NKX2-1: variants seen among roughly 807,000 people sequenced by gnomAD.
NKX2-1 encodes homeobox protein Nkx-2.1.
NKX2-1 carries 9 observed loss-of-function variants against 35.1 expected under a neutral mutation model. The observed-to-expected ratio is 0.26, with a 90% CI of 0.15 to 0.45. The LOEUF (loss-of-function observed/expected upper bound fraction) is 0.45, where lower values mean the gene tolerates loss of function less well. Ranked by LOEUF, NKX2-1 falls within the 20% of genes least tolerant of loss-of-function variation. The pLI is 1.00. For missense variants in NKX2-1, 509 were observed against 589.1 expected (o/e 0.86, Z 1.41); for synonymous variants, 284 against 269.9 (o/e 1.05, Z -0.51).
Position 36,518,189 on chromosome 14 carries a change from G to A in NKX2-1, c.464-169C>T, listed in dbSNP as rs371061006. 3.3e-5 allele frequency among the ~76,000 whole-genome samples: 5 copies of A among 152,046 alleles called. No homozygotes were observed. In the East Asian group the frequency reaches 5.8e-4, roughly 18 times the overall value. ...CATCCGCGGGGAACTGCCAGCGCCT[G>A]CCCCAGGCCGTACCGTCGAGGGGGC... On this transcript the variant is annotated intron_variant, in intron 2 of 2. Coordinates refer to ENST00000354822, the MANE Select transcript of NKX2-1 (RefSeq NM_001079668.3).
Position 36,516,761 on chromosome 14 carries a change from G to T in NKX2-1, c.*517C>A. On this transcript the variant is annotated 3_prime_UTR_variant, in exon 3 of 3. Coordinates refer to ENST00000354822, the MANE Select transcript of NKX2-1 (RefSeq NM_001079668.3). ...GGGAGGGGGCACTTCCTTTGTGTCAGTGACAAGTGGGTTATGTTGAAGACT... is the reference window on the plus strand; with the variant it reads ...GGGAGGGGGCACTTCCTTTGTGTCATTGACAAGTGGGTTATGTTGAAGACT... The T allele has an allele frequency of 4.3e-6, 1 of 232,960 alleles. No homozygotes were observed. The highest frequency in any genetic ancestry group is 8.5e-6 in the Non-Finnish European group (1 of 117,930). The allele number at this position is 232,960 out of a possible 1,614,324, so 14.4% of individuals were successfully genotyped here.
In NKX2-1 at chr14:36,518,019, G is replaced by C; in HGVS notation, c.465C>G (p.Ile155Met). 6.3e-7 allele frequency: 1 copy of C among 1,597,936 alleles called. No individual in the cohort carries two copies. Among genetic ancestry groups the C allele is most frequent in the South Asian group, 1.1e-5 (1 of 91,048 alleles). ...GANPDPRFPA[I>M]SRFMGPASGM... ...CGCTCGCCGGGCCCATGAAGCGGGAGACTGTAAGCGACAAACGCACAGCGT... is the reference window on the plus strand; with the variant it reads ...CGCTCGCCGGGCCCATGAAGCGGGACACTGTAAGCGACAAACGCACAGCGT... Residue 155 changes from isoleucine (I) to methionine (M), a missense_variant and splice_region_variant, in exon 3 of 3, where the codon ATC becomes ATG. Around this residue, in one of 5 missense-constraint regions of NKX2-1, gnomAD observed 271 missense variants for 284.1 expected, o/e 0.95. Coordinates refer to ENST00000354822, the MANE Select transcript of NKX2-1 (RefSeq NM_001079668.3).
intron 1 of NKX2-1, 200 bp from the exon 2 acceptor site, chr14:36,519,570 C>G (rs1483045196): frequency 6.5e-7 from 1 of 1,534,202 alleles, no homozygotes; most frequent in African/African-American, 1.4e-5. Flanking sequence ...TGTTTTAGCC[C>G]GGCGCCAGGT....
In NKX2-1 at chr14:36,520,185, A is replaced by T; in HGVS notation, c.-56T>A. On this transcript the variant is annotated 5_prime_UTR_variant, in exon 1 of 3. Coordinates refer to ENST00000354822, the MANE Select transcript of NKX2-1 (RefSeq NM_001079668.3). ...AACAAATGAGCGAGCGAGTCTGGGGACGAACCCTGGGGCCGCACTGTTGGT... is the reference window on the plus strand; with the variant it reads ...AACAAATGAGCGAGCGAGTCTGGGGTCGAACCCTGGGGCCGCACTGTTGGT... 1.2e-6 allele frequency: 2 copies of T among 1,601,556 alleles called. No homozygotes were observed. Among genetic ancestry groups the T allele is most frequent in the Non-Finnish European group, 1.7e-6 (2 of 1,175,688 alleles).
Position 36,517,686 on chromosome 14 carries a change from G to C in NKX2-1, c.798C>G (p.Gly266=), listed in dbSNP as rs1219913571. The change falls in exon 3 of 3, where the codon GGC becomes GGG. Residue 266 remains glycine, a synonymous_variant. Coordinates refer to ENST00000354822, the MANE Select transcript of NKX2-1 (RefSeq NM_001079668.3). ...GGCACCCGGTGCCCCCGCCGCCCCC[G>C]CCGCCGCCGCTGTCCTGCTGCAGTT... The part of the protein sequence containing the change: ...QQQLQQDSGG[G]GGGGGTGCPQ... The C allele has an allele frequency of 4.5e-6, 7 of 1,558,640 alleles. No individual in the cohort carries two copies. The highest frequency in any genetic ancestry group is 4.1e-5 in the African/African-American group (3 of 73,422).
At chr14:36,519,726 A>G (rs1422905810) in intron 1 of NKX2-1, 244 of 1,447,110 alleles carry the variant, frequency 1.7e-4, no homozygotes, top group Non-Finnish European at 2.2e-4. Context: ...GGTCTCAAAG[A>G]GAGAGAGAGA....
At position 36,516,910 on chromosome 14, in the gene NKX2-1, A is replaced by G. The variant is rs752548356; in HGVS notation, c.*368T>C. The G allele has an allele frequency of 3.4e-6, 1 of 291,214 alleles. No homozygotes were observed. The highest frequency in any genetic ancestry group is 5.1e-5 in the Admixed American group (1 of 19,466). 18.0% of individuals were successfully genotyped at this position (291,214 alleles called of 1,614,324 possible). A position where few individuals can be genotyped will look rare whatever the true frequency, so the allele number is the denominator to read the frequency against. ...AGTTTGGTCTTTAGAGTCCAGAGCCATGTCAGCACAGAGCCCTCTCCAATC... is the reference window on the plus strand; with the variant it reads ...AGTTTGGTCTTTAGAGTCCAGAGCCGTGTCAGCACAGAGCCCTCTCCAATC... On this transcript the variant is annotated 3_prime_UTR_variant, in exon 3 of 3. Transcript: ENST00000354822.
intron 2 of NKX2-1, among the ~76,000 whole-genome samples, chr14:36,518,542 C>G (rs1339949948): frequency 6.6e-6 from 1 of 152,188 alleles, no homozygotes; most frequent in African/African-American, 2.4e-5. Context: ...CCCTCTGGAA[C>G]TGCGAGTCCT....
In NKX2-1 at chr14:36,520,105, C is replaced by T. The variant is rs1881284447; in HGVS notation, c.25G>A (p.Ala9Thr). The change falls in exon 1 of 3, where the codon GCG becomes ACG. Residue 9 changes from alanine (A) to threonine (T), a missense_variant. By Grantham distance (58) the Ala-to-Thr change is moderately conservative. Transcript: ENST00000354822. MWSGGSGK[A>T]RGWEAAAGGR... Reference sequence around the variant, plus strand: ...CCCGCCGCGGCCTCCCAGCCCCGCGCCTTCCCACTGCCTCCGGACCACATC... The same window carrying T: ...CCCGCCGCGGCCTCCCAGCCCCGCGTCTTCCCACTGCCTCCGGACCACATC... 1 of 1,613,234 alleles carries T rather than the reference C, an allele frequency of 6.2e-7. No homozygotes were observed. Among genetic ancestry groups the T allele is most frequent in the Non-Finnish European group, 8.5e-7 (1 of 1,179,924 alleles).
In NKX2-1 at chr14:36,520,124, C is replaced by G; in HGVS notation, c.6G>C (p.Trp2Cys). The G allele has an allele frequency of 6.2e-7, 1 of 1,613,120 alleles. No individual in the cohort carries two copies. Among genetic ancestry groups the G allele is most frequent in the East Asian group, 2.2e-5 (1 of 44,860 alleles). Residue 2 changes from tryptophan to cysteine, a missense_variant, in exon 1 of 3, where the codon TGG becomes TGC. Trp to Cys is a radical substitution (Grantham distance 215). Transcript: ENST00000354822. ...CCCGCGCCTTCCCACTGCCTCCGGA[C>G]CACATCGGGCTTCGCTGCGCTGAGC... The part of the protein sequence containing the change: M[W>C]SGGSGKARGW...
chr14:36,519,771 C>T (rs985034370), intron 1 of NKX2-1: 15 of 1,458,050 alleles, frequency 1.0e-5, no homozygotes, highest in Admixed American at 4.6e-5. Context: ...TTTCCCCCCT[C>T]CCTTGGACAC....
Position 36,516,964 on chromosome 14 carries a change from T to G in NKX2-1, c.*314A>C. The G allele has an allele frequency of 7.1e-6, 3 of 422,590 alleles. No individual in the cohort carries two copies. The highest frequency in any genetic ancestry group is 1.3e-5 in the Non-Finnish European group (3 of 235,546). The allele number at this position is 422,590 out of a possible 1,614,324, so 26.2% of individuals were successfully genotyped here. A position where few individuals can be genotyped will look rare whatever the true frequency, so the allele number is the denominator to read the frequency against. ...GCCCCGCCCTAGCGTGGAAAACCCA[T>G]TTGAATCACCAAAAAAAGACACCCC... On this transcript the variant is annotated 3_prime_UTR_variant, in exon 3 of 3. Coordinates refer to ENST00000354822, the MANE Select transcript of NKX2-1 (RefSeq NM_001079668.3).
intron 2 of NKX2-1, among the ~76,000 whole-genome samples, 164 bp from the exon 3 acceptor site, chr14:36,518,184 C>A (rs1178335263): frequency 6.6e-6 from 1 of 152,102 alleles, no homozygotes; most frequent in Non-Finnish European, 1.5e-5. Context: ...GAACTGCCAG[C>A]GCCTGCCCCA....
rs1278377536 is a variant in NKX2-1 at position 36,519,569 on chromosome 14, C to T, written c.78-199G>A. On this transcript the variant is annotated intron_variant, in intron 1 of 2. Transcript: ENST00000354822. The stretch of plus-strand genomic sequence containing the variant: ...GGGGCTGCCTCGCGTTTGTTTTAGC[C>T]CGGCGCCAGGTTTTAGGCAGCCACC... 5 of 1,534,272 alleles carry T rather than the reference C, an allele frequency of 3.3e-6. No individual in the cohort carries two copies. The African/African-American group carries it at 4.1e-5, about 13-fold the overall frequency.
chr14:36,517,709 G>A lies in NKX2-1; in HGVS notation c.775C>T (p.Leu259=), dbSNP rs1881103905. The change falls in exon 3 of 3, where the codon CTG becomes TTG. Residue 259 remains leucine, a synonymous_variant. Transcript: ENST00000354822. ...CCGCCGCCGCCGCTGTCCTGCTGCA[G>A]TTGCTGCTGCGCCGCCTTGTCCTTG... ...QAKDKAAQQQ[L]QQDSGGGGGG... is the part of the protein sequence containing the mutation. 1.3e-6 allele frequency: 2 copies of A among 1,596,534 alleles called. No homozygotes were observed.
In NKX2-1 at chr14:36,516,786, T is replaced by C. The variant is rs1881037787; in HGVS notation, c.*492A>G. The C allele has an allele frequency of 8.6e-6, 2 of 232,686 alleles. No individual in the cohort carries two copies. Among genetic ancestry groups the C allele is most frequent in the Non-Finnish European group, 1.7e-5 (2 of 118,388 alleles). 14.4% of individuals were successfully genotyped at this position (232,686 alleles called of 1,614,324 possible). A position where few individuals can be genotyped will look rare whatever the true frequency, so the allele number is the denominator to read the frequency against. On this transcript the variant is annotated 3_prime_UTR_variant, in exon 3 of 3. Coordinates refer to ENST00000354822, the MANE Select transcript of NKX2-1 (RefSeq NM_001079668.3). ...GTGACAAGTGGGTTATGTTGAAGACTCTTTCCTCTCCCCAGCTCCCGTCCT... is the reference window on the plus strand; with the variant it reads ...GTGACAAGTGGGTTATGTTGAAGACCCTTTCCTCTCCCCAGCTCCCGTCCT...
rs778651793 is a variant in NKX2-1, at chr14:36,520,121, G to A, written c.9C>T (p.Ser3=). The A allele has an allele frequency of 6.2e-7, 1 of 1,613,012 alleles. No homozygotes were observed. The highest frequency in any genetic ancestry group is 8.5e-7 in the Non-Finnish European group (1 of 1,179,896). The change falls in exon 1 of 3, where the codon TCC becomes TCT. Residue 3 remains serine (S), a synonymous_variant. Transcript: ENST00000354822. MW[S]GGSGKARGWE... is the part of the protein sequence containing the mutation. ...AGCCCCGCGCCTTCCCACTGCCTCC[G>A]GACCACATCGGGCTTCGCTGCGCTG...
In NKX2-1 at chr14:36,519,238, C is replaced by A. The variant is rs780449077; in HGVS notation, c.210G>T (p.Ala70=). 3.1e-6 allele frequency: 5 copies of A among 1,608,786 alleles called. No homozygotes were observed. Among genetic ancestry groups the A allele is most frequent in the African/African-American group, 1.3e-5 (1 of 74,860 alleles). Residue 70 remains alanine, a synonymous_variant, in exon 2 of 3, where the codon GCG becomes GCT. Transcript: ENST00000354822. ...GCGGTGCCGCCTGGCCCTGCCTGTA[C>A]GCCGCCAGCGGAGCCCCGAGGCCGC... ...EGGGLGAPLA[A]YRQGQAAPPT...
rs1881060719 is a variant in NKX2-1 at position 36,517,134 on chromosome 14, G to A, written c.*144C>T. 4.3e-6 allele frequency: 6 copies of A among 1,397,372 alleles called. No homozygotes were observed. The highest frequency in any genetic ancestry group is 5.6e-6 in the Non-Finnish European group (6 of 1,063,476). 86.6% of individuals were successfully genotyped at this position (1,397,372 alleles called of 1,614,324 possible). ...AGACGTCCAGCAGTTTGGCCTTTGT[G>A]GTTTTTTTGTTCCTTGGTCTAAACG... is the stretch of plus-strand genomic sequence containing the variant. On this transcript the variant is annotated 3_prime_UTR_variant, in exon 3 of 3. Coordinates refer to ENST00000354822, the MANE Select transcript of NKX2-1 (RefSeq NM_001079668.3).
Sources: gnomAD v4.1 joint callset for allele counts (sites outside exome capture counted in the v4.1 genomes callset) on GRCh38, gnomAD v4.1.1 for gene constraint, gnomAD v4.1.1 regional missense constraint, MANE v1.5 for transcripts, NCBI Gene and HGNC (gene_info 2026-07-23, HGNC 2026-07-21) for gene names.